Variants in SPNS3 observed in about 807,000 individuals in gnomAD.
SPNS3 encodes SPNS lysolipid transporter 3, sphingosine-1-phosphate (putative).
A neutral mutation model predicts 54.4 loss-of-function variants in SPNS3; 51 were observed. The ratio of observed to expected loss-of-function variants is 0.94; its 90% CI spans 0.75 to 1.18. SPNS3 has a LOEUF of 1.18. Among genes scored for constraint, SPNS3 ranks in the 50% most tolerant of loss-of-function variants. The pLI is 0.00. For missense variants in SPNS3, 669 were observed against 677.4 expected, an observed-to-expected ratio of 0.99 and a Z score of 0.14; for synonymous variants, 309 against 294.7, an observed-to-expected ratio of 1.05 and a Z score of -0.50.
At chr17:4,452,494 G>A (rs535673362) in intron 7 of SPNS3, among the ~76,000 whole-genome samples, 49 of 152,152 alleles carry the variant, frequency 3.2e-4, no homozygotes, top group African/African-American at 9.6e-4. Context: ...GTTCAAAGAC[G>A]GGGAGTGGAA....
At chr17:4,444,996 G>T (rs182120036) in intron 2 of SPNS3, 36 bp from the exon 3 acceptor site, 16 of 1,600,568 alleles carry the variant, frequency 1.0e-5, no homozygotes, top group East Asian at 8.9e-5. Context: ...CCACGGTCGT[G>T]GGGGGATCCA....
intron 8 of SPNS3, among the ~76,000 whole-genome samples, chr17:4,456,244 G>A (rs1026470264): frequency 3.3e-5 from 5 of 151,934 alleles, no homozygotes; most frequent in African/African-American, 4.8e-5. Context: ...GAGCCACCGC[G>A]CCTGGTCAAG....
At chr17:4,436,141 TC>T (rs1299324951) in intron 1 of SPNS3, among the ~76,000 whole-genome samples, 6 of 152,072 alleles carry the variant, frequency 3.9e-5, no homozygotes, top group African/African-American at 1.4e-4. Flanking sequence ...TTGATGGCAG[TC>T]CTGCGAGGCG....
chr17:4,435,458 A>AT (rs1380860952), intron 1 of SPNS3, among the ~76,000 whole-genome samples: 1 of 144,622 alleles, frequency 6.9e-6, no homozygotes, highest in African/African-American at 2.7e-5. Flanking sequence ...AAAAAATAAA[A>AT]AATAAAAAAT....
At chr17:4,468,763 C>CTTTCTT (rs59681919) in intron 8 of SPNS3, among the ~76,000 whole-genome samples, 370 of 28,956 alleles carry the variant, frequency 0.013, 2 homozygotes, top group South Asian at 0.032. Flanking sequence ...CTTTCTTTCT[C>CTTTCTT]TCTTTCTTTT....
intron 9 of SPNS3, among the ~76,000 whole-genome samples, chr17:4,485,687 C>T (rs761448068): frequency 2.6e-5 from 4 of 152,218 alleles, no homozygotes; most frequent in African/African-American, 9.6e-5. Context: ...TGAGCCACCG[C>T]GCCTGGCCCA....
At chr17:4,476,907 C>T (rs1028447398) in intron 8 of SPNS3, among the ~76,000 whole-genome samples, 12 of 152,316 alleles carry the variant, frequency 7.9e-5, no homozygotes, top group East Asian at 3.9e-4. Flanking sequence ...GCATGGTGGC[C>T]ACATCCCAGC....
At position 4,486,493 on chromosome 17, in the gene SPNS3, G is replaced by A. The variant is rs779460253; in HGVS notation, c.1360G>A (p.Ala454Thr). ...CCTGCAGCAGAGCTTCCTGTGCTGC[G>A]CCTTTGTCATCGCCCTGGGGGGCGG... ...RSLQQSFLCC[A>T]FVIALGGGCF... is the part of the protein sequence containing the mutation. The change falls in exon 11 of 12, where the codon GCC becomes ACC. Residue 454 changes from alanine to threonine, a missense_variant. Coordinates refer to ENST00000355530, the MANE Select transcript of SPNS3 (RefSeq NM_182538.5). The surrounding 1 kb of genome is among the most constrained non-coding windows in gnomAD (Gnocchi z 5.5). The A allele has an allele frequency of 1.1e-5, 18 of 1,613,530 alleles. No individual in the cohort carries two copies. The highest frequency in any genetic ancestry group is 2.2e-5 in the South Asian group (2 of 91,078).
At chr17:4,440,229 C>T (rs777342039) in intron 2 of SPNS3, among the ~76,000 whole-genome samples, 4 of 152,208 alleles carry the variant, frequency 2.6e-5, no homozygotes, top group African/African-American at 4.8e-5. Flanking sequence ...CACGTCCCAT[C>T]GCAACATCAG....
Position 4,445,073 on chromosome 17 carries a change from T to A in SPNS3, c.307T>A (p.Tyr103Asn). ...CLLLSAPVFG[Y>N]LGDRHSRKAT... ...GCTGCTGTCTGCACCTGTGTTTGGCTACCTGGGCGACCGACATAGCCGCAA... is the reference window on the plus strand; with the variant it reads ...GCTGCTGTCTGCACCTGTGTTTGGCAACCTGGGCGACCGACATAGCCGCAA... Residue 103 changes from tyrosine (Y) to asparagine (N), a missense_variant, in exon 3 of 12, where the codon TAC becomes AAC. Tyr to Asn is a moderately radical substitution (Grantham distance 143). Coordinates refer to ENST00000355530, the MANE Select transcript of SPNS3 (RefSeq NM_182538.5). 1 of 1,614,160 alleles carries A rather than the reference T, an allele frequency of 6.2e-7. No homozygotes were observed. Among genetic ancestry groups the A allele is most frequent in the Non-Finnish European group, 8.5e-7 (1 of 1,179,996 alleles).
intron 8 of SPNS3, among the ~76,000 whole-genome samples, chr17:4,472,774 C>CTTTTTTTTTTTT (rs375118697): frequency 3.9e-5 from 2 of 50,970 alleles, no homozygotes; most frequent in Non-Finnish European, 3.3e-5. Flanking sequence ...GCTTGGCAGC[C>CTTTTTTTTTTTT]TTTTTTTTTT....
chr17:4,480,884 C>A (rs74319518), intron 9 of SPNS3, among the ~76,000 whole-genome samples: 1 of 152,146 alleles, frequency 6.6e-6, no homozygotes, highest in Non-Finnish European at 1.5e-5. Context: ...CCCGGAGCCC[C>A]GTGGCCAAAG....
intron 8 of SPNS3, among the ~76,000 whole-genome samples, chr17:4,454,655 C>T (rs1352853844): frequency 2.2e-5 from 3 of 134,270 alleles, no homozygotes; most frequent in East Asian, 2.3e-4. Flanking sequence ...CTTGCTCTGT[C>T]GCCCAGGCTG....
intron 8 of SPNS3, among the ~76,000 whole-genome samples, chr17:4,474,766 G>A (rs76679640): frequency 7.9e-5 from 12 of 152,338 alleles, no homozygotes; most frequent in Middle Eastern, 3.4e-3. Flanking sequence ...GCAGGTATGC[G>A]TGGGTACATG....
chr17:4,459,631 T>C (rs1211772798), intron 8 of SPNS3, among the ~76,000 whole-genome samples: 1 of 152,114 alleles, frequency 6.6e-6, no homozygotes, highest in African/African-American at 2.4e-5. Context: ...GAGAATCGCT[T>C]GAACCCAGAA....
At chr17:4,444,041 C>T (rs1970918792) in intron 2 of SPNS3, among the ~76,000 whole-genome samples, 1 of 152,134 alleles carries the variant, frequency 6.6e-6, no homozygotes, top group African/African-American at 2.4e-5. Flanking sequence ...GCAGAGGCTG[C>T]AGGGAGCTGA....
At chr17:4,476,938 G>T (rs961663681) in intron 8 of SPNS3, among the ~76,000 whole-genome samples, 13 of 152,210 alleles carry the variant, frequency 8.5e-5, no homozygotes, top group Admixed American at 8.5e-4. Flanking sequence ...CGCTCCCGTG[G>T]GTCCCCGGCT....
Position 4,486,587 on chromosome 17 carries a change from C to T in SPNS3, c.1450+4C>T, listed in dbSNP as rs768765532. The T allele has an allele frequency of 1.2e-6, 2 of 1,606,808 alleles. No individual in the cohort carries two copies. Among genetic ancestry groups the T allele is most frequent in the Admixed American group, 3.4e-5 (2 of 59,454 alleles). ...CGGGCCTGGCAGCCTGTCACAGGTA[C>T]CCTACCCATTGCACCAGGCCCGGCT... On this transcript the variant is annotated splice_donor_region_variant and intron_variant, in intron 11 of 11. Coordinates refer to ENST00000355530, the MANE Select transcript of SPNS3 (RefSeq NM_182538.5). This position sits in a 1 kb window ranked among gnomAD's most constrained non-coding sequence, Gnocchi z 5.5.
chr17:4,452,317 A>G (rs922015197), intron 7 of SPNS3, among the ~76,000 whole-genome samples: 4 of 152,048 alleles, frequency 2.6e-5, no homozygotes, highest in Non-Finnish European at 5.9e-5. Context: ...TCCTCCCACC[A>G]CAGATCTCCT....
Sources: allele counts gnomAD v4.1 joint callset (sites outside exome capture counted in the v4.1 genomes callset), GRCh38; gene constraint gnomAD v4.1.1; non-coding constraint Gnocchi (gnomAD v3.1); transcripts MANE v1.5; gene names NCBI Gene and HGNC (gene_info 2026-07-23, HGNC 2026-07-21).